The following TRAPPC9 variants were observed in gnomAD, a reference collection of about 807,000 sequenced individuals.
TRAPPC9 encodes the protein IKK2 binding protein.
A neutral mutation model predicts 124.0 loss-of-function variants in TRAPPC9; 83 were observed. The ratio of observed to expected loss-of-function variants is 0.67; its 90% CI spans 0.56 to 0.80. The LOEUF is 0.80. Ranked by LOEUF, TRAPPC9 falls within the 30% of genes least tolerant of loss-of-function variation. TRAPPC9 has a pLI of 0.00. For synonymous variants in TRAPPC9, 638 were observed against 617.5 expected (o/e 1.03, Z -0.49); for missense variants, 1,302 against 1,508.3 (o/e 0.86, Z 2.27).
chr8:139,934,942 C>T (rs1833417452), intron 19 of TRAPPC9, among the ~76,000 whole-genome samples: 1 of 152,216 alleles, frequency 6.6e-6, no homozygotes, highest in Non-Finnish European at 1.5e-5. Context: ...CTTGCCAGGA[C>T]ACCTGCTTCC....
In TRAPPC9 at chr8:140,216,210, C is replaced by T. The variant is rs1054752067; in HGVS notation, c.2556+5249G>A. On this transcript the variant is annotated intron_variant, in intron 17 of 22. Coordinates refer to ENST00000438773, the MANE Select transcript of TRAPPC9 (RefSeq NM_001160372.4). The surrounding 1 kb of genome is among the most constrained non-coding windows in gnomAD (Gnocchi z 4.1). ...TCAAGGGAATCCAAAAGGACAATTTCGATGCAAGTGCCTGATATGCAAGAG... is the reference window on the plus strand; with the variant it reads ...TCAAGGGAATCCAAAAGGACAATTTTGATGCAAGTGCCTGATATGCAAGAG... Among the ~76,000 whole-genome samples the T allele has an allele frequency of 1.3e-5, 2 of 152,144 alleles. No individual in the cohort carries two copies. The highest frequency in any genetic ancestry group is 6.5e-5 in the Admixed American group (1 of 15,276).
chr8:139,957,563 G>A (rs183040787), intron 19 of TRAPPC9, among the ~76,000 whole-genome samples: 141 of 152,268 alleles, frequency 9.3e-4, no homozygotes, highest in African/African-American at 3.3e-3. Flanking sequence ...GCCTTCTGGC[G>A]CCTGGCACGT....
At chr8:140,310,894 A>T (rs934273444) in intron 10 of TRAPPC9, among the ~76,000 whole-genome samples, 5 of 151,954 alleles carry the variant, frequency 3.3e-5, no homozygotes, top group South Asian at 2.1e-4. Flanking sequence ...GCCTGCGGAA[A>T]GGGAAATGAC....
chr8:139,941,285 G>A (rs1183308741), intron 19 of TRAPPC9, among the ~76,000 whole-genome samples: 2 of 152,236 alleles, frequency 1.3e-5, no homozygotes, highest in African/African-American at 4.8e-5. Flanking sequence ...AGCCTCACAG[G>A]GAAACAACAG....
At chr8:139,876,146 T>C (rs1829305103) in intron 21 of TRAPPC9, among the ~76,000 whole-genome samples, 1 of 152,210 alleles carries the variant, frequency 6.6e-6, no homozygotes, top group Non-Finnish European at 1.5e-5. Context: ...GTTACACAAT[T>C]TGATGAAAGG....
intron 19 of TRAPPC9, among the ~76,000 whole-genome samples, chr8:139,972,593 C>G (rs1217818868): frequency 6.6e-6 from 1 of 152,166 alleles, no homozygotes; most frequent in Non-Finnish European, 1.5e-5. Context: ...CCACGTACAA[C>G]TCACACAAGA....
At chr8:139,938,199 G>A (rs144814177) in intron 19 of TRAPPC9, among the ~76,000 whole-genome samples, 2,038 of 152,318 alleles carry the variant, frequency 0.013, 19 homozygotes, top group Non-Finnish European at 0.02. Context: ...ACCTGACAAA[G>A]CTGCCCCACC....
chr8:140,065,175 G>A (rs1485295659), intron 17 of TRAPPC9, among the ~76,000 whole-genome samples: 1 of 152,150 alleles, frequency 6.6e-6, no homozygotes, highest in Non-Finnish European at 1.5e-5. Context: ...CTAATCCAGA[G>A]CAATGCCCTA....
At chr8:140,420,763 A>G (rs2070174248) in intron 5 of TRAPPC9, among the ~76,000 whole-genome samples, 1 of 152,216 alleles carries the variant, frequency 6.6e-6, no homozygotes, top group Non-Finnish European at 1.5e-5. Flanking sequence ...AGTATATTTA[A>G]GTTTTTCATA....
Position 140,315,655 on chromosome 8 carries a change from T to C in TRAPPC9, c.1496-4281A>G, listed in dbSNP as rs927038318. Reference sequence around the variant, plus strand: ...ACTTATTTTACAATGATCTGTGATATAAGTGTTTTAAACCTTTGACCTTTC... The same window carrying C: ...ACTTATTTTACAATGATCTGTGATACAAGTGTTTTAAACCTTTGACCTTTC... On this transcript the variant is annotated intron_variant, in intron 9 of 22. Coordinates refer to ENST00000438773, the MANE Select transcript of TRAPPC9 (RefSeq NM_001160372.4). Among the ~76,000 whole-genome samples the C allele has an allele frequency of 2.6e-5, 4 of 152,320 alleles. No homozygotes were observed. The East Asian group carries it at 7.7e-4, about 29-fold the overall frequency.
intron 17 of TRAPPC9, among the ~76,000 whole-genome samples, chr8:140,047,450 G>A (rs535040851): frequency 6.6e-6 from 1 of 152,376 alleles, no homozygotes; most frequent in East Asian, 1.9e-4. Flanking sequence ...CAGCCCACAG[G>A]GTGAAAGGCG....
At chr8:139,735,060 C>T (rs1042287016) in intron 21 of TRAPPC9, among the ~76,000 whole-genome samples, 6 of 152,218 alleles carry the variant, frequency 3.9e-5, no homozygotes, top group Non-Finnish European at 7.3e-5. Flanking sequence ...CTGAGTACTT[C>T]CAGCAGTGCC....
chr8:139,866,994 C>T (rs1044059047), intron 21 of TRAPPC9, among the ~76,000 whole-genome samples: 1 of 152,158 alleles, frequency 6.6e-6, no homozygotes, highest in Non-Finnish European at 1.5e-5. Flanking sequence ...ACCACCACAG[C>T]TGGCTAGTTT....
Position 139,917,167 on chromosome 8 carries a change from C to CT in TRAPPC9, c.2811-6868dup, listed in dbSNP as rs71318317. ...AGAAATCCTTCTTCATTATTATTTT[C>CT]TTTTTTTTTTTTTTTTTTTTTGTTG... On this transcript the variant is annotated intron_variant, in intron 19 of 22. Coordinates refer to ENST00000438773, the MANE Select transcript of TRAPPC9 (RefSeq NM_001160372.4). Among the ~76,000 whole-genome samples, 436 of 99,900 alleles carry CT rather than the reference C, an allele frequency of 4.4e-3. 2 individuals carry two copies. The highest frequency in any genetic ancestry group is 0.015 in the South Asian group (40 of 2,702). 65.5% of individuals were successfully genotyped at this position (99,900 alleles called of 152,430 possible).
chr8:139,845,612 GCCTTCCTCCTTT>G (rs1156859621), intron 21 of TRAPPC9, among the ~76,000 whole-genome samples: 2 of 152,194 alleles, frequency 1.3e-5, no homozygotes, highest in African/African-American at 4.8e-5. Flanking sequence ...GGGAGGGAGT[GCCTTCCTCCTTT>G]CCTCCATGCT....
chr8:139,832,761 T>C (rs1167035845), intron 21 of TRAPPC9, among the ~76,000 whole-genome samples: 4 of 152,140 alleles, frequency 2.6e-5, no homozygotes, highest in Non-Finnish European at 5.9e-5. Context: ...CCAAGGTGGA[T>C]GACGTGTCCC....
At position 139,788,001 on chromosome 8, in the gene TRAPPC9, A is replaced by G. The variant is rs1021487780; in HGVS notation, c.3056-55799T>C. On this transcript the variant is annotated intron_variant, in intron 21 of 22. Transcript: ENST00000438773. The surrounding 1 kb of genome is among the most constrained non-coding windows in gnomAD (Gnocchi z 4.9). ...CTAGGAACCCCACCGCGGGCATCTG[A>G]CCCTGTGGCGTCCTCCACCACTGCC... Among the ~76,000 whole-genome samples the G allele has an allele frequency of 6.6e-6, 1 of 152,082 alleles. No individual in the cohort carries two copies. Among genetic ancestry groups the G allele is most frequent in the Non-Finnish European group, 1.5e-5 (1 of 67,996 alleles).
chr8:139,786,282 T>A (rs925715712), intron 21 of TRAPPC9, among the ~76,000 whole-genome samples: 3 of 152,054 alleles, frequency 2.0e-5, no homozygotes, highest in Non-Finnish European at 4.4e-5. Flanking sequence ...GAAGACAACA[T>A]AGATGGCAGG....
chr8:139,866,914 A>G (rs1387579477), intron 21 of TRAPPC9, among the ~76,000 whole-genome samples: 3 of 152,152 alleles, frequency 2.0e-5, no homozygotes, highest in East Asian at 3.9e-4. Context: ...GGATCACTGC[A>G]ATCTCCACCT....
Sources: allele counts gnomAD v4.1 joint callset (sites outside exome capture counted in the v4.1 genomes callset), GRCh38; gene constraint gnomAD v4.1.1; non-coding constraint Gnocchi (gnomAD v3.1); transcripts MANE v1.5; gene names NCBI Gene and HGNC (gene_info 2026-07-23, HGNC 2026-07-21).